LHFPL3: variants seen among roughly 807,000 people sequenced by gnomAD.
LHFPL3 encodes the protein LHFPL tetraspan subfamily member 3 protein.
Under a neutral mutation model 19.3 loss-of-function variants are expected in LHFPL3, and 5 were observed. The observed-to-expected ratio is 0.26, with a 90% CI of 0.14 to 0.54. LHFPL3 has a LOEUF of 0.54. Ranked by LOEUF, LHFPL3 falls within the 20% of genes least tolerant of loss-of-function variation. The pLI, the probability that LHFPL3 is intolerant of heterozygous loss-of-function variation, is 0.94. For synonymous variants in LHFPL3, 133 were observed against 126.2 expected (o/e 1.05, Z -0.36); for missense variants, 249 against 307.4 (o/e 0.81, Z 1.42).
At chr7:104,436,181 A>G (rs922273383) in intron 1 of LHFPL3, among the ~76,000 whole-genome samples, 3 of 152,144 alleles carry the variant, frequency 2.0e-5, no homozygotes, top group African/African-American at 4.8e-5. Context: ...AATATAATAT[A>G]TTGTTATATT....
At position 104,743,826 on chromosome 7, in the gene LHFPL3, T is replaced by C. The variant is rs77881848; in HGVS notation, c.682+6915T>C. On this transcript the variant is annotated intron_variant, in intron 2 of 2. Coordinates refer to ENST00000424859, the MANE Select transcript of LHFPL3 (RefSeq NM_199000.3). The stretch of plus-strand genomic sequence containing the variant: ...GTTCTTTGTTTTACACAGTATCATG[T>C]AATCAATTCTTTTTTCCTTTTTTTT... Among the ~76,000 whole-genome samples, 687 of 152,238 alleles carry C rather than the reference T, an allele frequency of 4.5e-3. 25 individuals are homozygous for C. The East Asian group carries it at 0.099, about 22-fold the overall frequency.
intron 1 of LHFPL3, among the ~76,000 whole-genome samples, chr7:104,601,907 C>G (rs759123032): frequency 1.3e-5 from 2 of 152,090 alleles, no homozygotes; most frequent in Non-Finnish European, 2.9e-5. Flanking sequence ...AAGGTGGGAC[C>G]TACCCAGACA....
intron 1 of LHFPL3, among the ~76,000 whole-genome samples, chr7:104,464,424 G>A (rs763069918): frequency 5.9e-5 from 9 of 152,206 alleles, no homozygotes; most frequent in Non-Finnish European, 1.3e-4. Flanking sequence ...TTCTCCAGTG[G>A]GGACTCTGTG....
At chr7:104,675,636 G>A (rs1358369000) in intron 1 of LHFPL3, among the ~76,000 whole-genome samples, 1 of 152,168 alleles carries the variant, frequency 6.6e-6, no homozygotes, top group Non-Finnish European at 1.5e-5. Context: ...GATAACAGAG[G>A]AGGTAAAGAG....
At chr7:104,610,312 A>C (rs1196600721) in intron 1 of LHFPL3, among the ~76,000 whole-genome samples, 1 of 152,110 alleles carries the variant, frequency 6.6e-6, no homozygotes, top group Non-Finnish European at 1.5e-5. Flanking sequence ...CTACCTACTC[A>C]GTAATATCTT....
chr7:104,410,322 G>A (rs1205898316), intron 1 of LHFPL3, among the ~76,000 whole-genome samples: 4 of 152,156 alleles, frequency 2.6e-5, no homozygotes, highest in African/African-American at 7.2e-5. Flanking sequence ...TAGTAGAGAC[G>A]GGGTTTCACT....
At chr7:104,667,339 T>C (rs1338866624) in intron 1 of LHFPL3, among the ~76,000 whole-genome samples, 1 of 152,138 alleles carries the variant, frequency 6.6e-6, no homozygotes, top group Non-Finnish European at 1.5e-5. Flanking sequence ...ATGGTGGCTA[T>C]GCCCACTCTT....
intron 1 of LHFPL3, among the ~76,000 whole-genome samples, chr7:104,663,077 T>G (rs1311045244): frequency 6.6e-6 from 1 of 152,220 alleles, no homozygotes; most frequent in African/African-American, 2.4e-5. Context: ...CTGTCAGTGT[T>G]AATTTCACTA....
chr7:104,368,373 C>T (rs10953426), intron 1 of LHFPL3, among the ~76,000 whole-genome samples: 97,285 of 152,018 alleles, frequency 0.64, 31,757 homozygotes, highest in African/African-American at 0.76. Flanking sequence ...GGGACCTGAA[C>T]GGTTCAGTTT....
chr7:104,465,657 G>A (rs1382088268), intron 1 of LHFPL3, among the ~76,000 whole-genome samples: 3 of 152,182 alleles, frequency 2.0e-5, no homozygotes, highest in Non-Finnish European at 4.4e-5. Context: ...ATCAGATCTT[G>A]TGAGAACTCA....
At chr7:104,820,101 T>G (rs1790648979) in intron 2 of LHFPL3, among the ~76,000 whole-genome samples, 2 of 152,190 alleles carry the variant, frequency 1.3e-5, no homozygotes, top group Non-Finnish European at 2.9e-5. Context: ...TTGCACCTTC[T>G]CATTCATACA....
chr7:104,538,806 C>G (rs1387430407), intron 1 of LHFPL3, among the ~76,000 whole-genome samples: 5 of 151,896 alleles, frequency 3.3e-5, no homozygotes, highest in Non-Finnish European at 5.9e-5. Context: ...GTGGCAAAAG[C>G]AACTTTGCAC....
chr7:104,819,822 T>C (rs1360956486), intron 2 of LHFPL3, among the ~76,000 whole-genome samples: 1 of 152,164 alleles, frequency 6.6e-6, no homozygotes, highest in African/African-American at 2.4e-5. Context: ...TGAAGGCACA[T>C]GGACAATTTA....
intron 1 of LHFPL3, among the ~76,000 whole-genome samples, chr7:104,535,927 A>T (rs540353341): frequency 2.0e-5 from 3 of 152,332 alleles, no homozygotes; most frequent in African/African-American, 7.2e-5. Flanking sequence ...ACATACCTCA[A>T]CGACCTTTGG....
intron 2 of LHFPL3, among the ~76,000 whole-genome samples, chr7:104,789,252 GCA>G (rs1789977380): frequency 6.6e-6 from 1 of 151,980 alleles, no homozygotes; most frequent in African/African-American, 2.4e-5. Flanking sequence ...TCCCTCTTTC[GCA>G]CACAGACACA....
At chr7:104,395,219 T>C (rs978633838) in intron 1 of LHFPL3, among the ~76,000 whole-genome samples, 2 of 152,202 alleles carry the variant, frequency 1.3e-5, no homozygotes, top group African/African-American at 2.4e-5. Context: ...TTTAACACAA[T>C]TAACAAACAA....
At chr7:104,445,517 A>G (rs973667855) in intron 1 of LHFPL3, among the ~76,000 whole-genome samples, 1 of 152,216 alleles carries the variant, frequency 6.6e-6, no homozygotes, top group Non-Finnish European at 1.5e-5. Flanking sequence ...AATGTTCAAT[A>G]AACTTTTATC....
intron 1 of LHFPL3, among the ~76,000 whole-genome samples, chr7:104,359,508 T>G (rs146272056): frequency 3.3e-5 from 5 of 152,340 alleles, no homozygotes; most frequent in African/African-American, 1.2e-4. Flanking sequence ...AAACTAAGTT[T>G]AATTTGATGT....
rs1054467735 is a variant in LHFPL3 at position 104,908,281 on chromosome 7, T to C, written c.*2066T>C. On this transcript the variant is annotated 3_prime_UTR_variant, in exon 3 of 3. Transcript: ENST00000424859. ...CATAAAACCTAAGTGTAATTTAGCA[T>C]ACCACAGTGCTCTGAAGATGGGTCA... 6.6e-6 allele frequency among the ~76,000 whole-genome samples: 1 copy of C among 152,202 alleles called. No individual in the cohort carries two copies. Among genetic ancestry groups the C allele is most frequent in the East Asian group, 1.9e-4 (1 of 5,204 alleles).
Sources: allele counts gnomAD v4.1 joint callset (sites outside exome capture counted in the v4.1 genomes callset), GRCh38; gene constraint gnomAD v4.1.1; transcripts MANE v1.5; gene names NCBI Gene and HGNC (gene_info 2026-07-23, HGNC 2026-07-21).